The following MTCL2 variants were observed in gnomAD, a reference collection of about 807,000 sequenced individuals.
MTCL2 encodes the protein microtubule crosslinking factor 2.
chr20:36,858,461 AAAACACACACACACACACAC>A, the MTCL2 span, among the ~76,000 whole-genome samples: 1,717 of 42,122 alleles, frequency 0.041, 108 homozygotes, highest in Middle Eastern at 0.15. Context: ...CCAAGGAGGG[AAAACACACACACACACACAC>A]ACACACACAC....
chr20:36,795,373 A>G, the MTCL2 span, among the ~76,000 whole-genome samples: 1 of 152,184 alleles, frequency 6.6e-6, no homozygotes, highest in Admixed American at 6.5e-5. Context: ...TAGAGGCATG[A>G]GCCACTGCAC....
At chr20:36,841,397 A>G in the MTCL2 span, among the ~76,000 whole-genome samples, 1 of 151,866 alleles carries the variant, frequency 6.6e-6, no homozygotes, top group Non-Finnish European at 1.5e-5. Flanking sequence ...ACCAAACAAC[A>G]TGAGTTATAT....
At chr20:36,794,227 G>A in the MTCL2 span, 3 of 1,549,008 alleles carry the variant, frequency 1.9e-6, no homozygotes, top group Non-Finnish European at 2.6e-6. The surrounding 1 kb of genome is among the most constrained non-coding windows in gnomAD (Gnocchi z 5.4). Flanking sequence ...CTTTGGGCTT[G>A]GCTGTGGTGA....
At chr20:36,793,579 G>A in the MTCL2 span, 1 of 1,551,616 alleles carries the variant, frequency 6.4e-7, no homozygotes, top group Non-Finnish European at 8.7e-7. The surrounding 1 kb of genome is among the most constrained non-coding windows in gnomAD (Gnocchi z 6.8). Flanking sequence ...TGCTCCCTGA[G>A]TGCTCCACCA....
At chr20:36,835,926 T>G in the MTCL2 span, among the ~76,000 whole-genome samples, 1 of 152,086 alleles carries the variant, frequency 6.6e-6, no homozygotes, top group Non-Finnish European at 1.5e-5. Flanking sequence ...GGTCCCAGCC[T>G]CTCCTCCGCC....
chr20:36,803,052 G>A, the MTCL2 span: 1 of 1,608,184 alleles, frequency 6.2e-7, no homozygotes. Flanking sequence ...CTGTAGGGCT[G>A]CCTTCCAGTC....
the MTCL2 span, chr20:36,862,941 C>A: frequency 2.2e-6 from 3 of 1,386,484 alleles, no homozygotes; most frequent in Non-Finnish European, 2.8e-6. Context: ...CAGCTCCAGG[C>A]CCAGCAGGCG....
At chr20:36,825,546 G>C in the MTCL2 span, among the ~76,000 whole-genome samples, 3 of 152,202 alleles carry the variant, frequency 2.0e-5, no homozygotes, top group Non-Finnish European at 2.9e-5. Flanking sequence ...CAGTGCCACC[G>C]CAGCCCTCGG....
At chr20:36,808,215 G>C in the MTCL2 span, among the ~76,000 whole-genome samples, 1 of 151,720 alleles carries the variant, frequency 6.6e-6, no homozygotes, top group Admixed American at 6.6e-5. Context: ...AATTAGCTGG[G>C]CATGGTGGCA....
the MTCL2 span, among the ~76,000 whole-genome samples, chr20:36,851,303 C>G: frequency 6.6e-6 from 1 of 151,924 alleles, no homozygotes; most frequent in Non-Finnish European, 1.5e-5. Flanking sequence ...GACCTAAAAC[C>G]CCAAAAAGCA....
At chr20:36,785,835 G>A in the MTCL2 span, 1 of 985,480 alleles carries the variant, frequency 1.0e-6, no homozygotes, top group Admixed American at 6.2e-5. Flanking sequence ...CTGCATCCAG[G>A]CTATGGGCAG....
chr20:36,799,153 T>G, the MTCL2 span, among the ~76,000 whole-genome samples: 1 of 151,018 alleles, frequency 6.6e-6, no homozygotes, highest in Non-Finnish European at 1.5e-5. Flanking sequence ...CCTAGCAGTT[T>G]AAGATCAGCC....
chr20:36,839,273 C>T, the MTCL2 span: 26 of 1,610,646 alleles, frequency 1.6e-5, no homozygotes, highest in Middle Eastern at 1.6e-4. This position sits in a 1 kb window ranked among gnomAD's most constrained non-coding sequence, Gnocchi z 5.1. Flanking sequence ...CCGGTCTGGG[C>T]GGCACGGAGA....
At chr20:36,790,532 T>G in the MTCL2 span, among the ~76,000 whole-genome samples, 1 of 149,690 alleles carries the variant, frequency 6.7e-6, no homozygotes, top group South Asian at 2.1e-4. Flanking sequence ...CCTCCCGGCT[T>G]CAAGCAATTC....
chr20:36,858,113 C>T, the MTCL2 span, among the ~76,000 whole-genome samples: 8 of 152,138 alleles, frequency 5.3e-5, 1 homozygote, highest in South Asian at 1.7e-3. Context: ...AAGCTCACTG[C>T]TCTGGTCACA....
chr20:36,799,184 C>A, the MTCL2 span, among the ~76,000 whole-genome samples: 1 of 151,572 alleles, frequency 6.6e-6, no homozygotes, highest in African/African-American at 2.4e-5. Context: ...GGCGAAACCC[C>A]ATCTCTACAA....
chr20:36,829,228 A>T, the MTCL2 span: 2 of 1,597,936 alleles, frequency 1.3e-6, no homozygotes, highest in Non-Finnish European at 1.7e-6. Flanking sequence ...CAGGGGTGGG[A>T]GAGAGAAGGA....
At chr20:36,798,233 G>A in the MTCL2 span, among the ~76,000 whole-genome samples, 8 of 152,098 alleles carry the variant, frequency 5.3e-5, no homozygotes, top group African/African-American at 1.7e-4. Context: ...ACCTCGCCTG[G>A]CTAATTTTTG....
chr20:36,863,294 G>A, the MTCL2 span: 3 of 1,188,154 alleles, frequency 2.5e-6, no homozygotes, highest in South Asian at 8.3e-5. The surrounding 1 kb of genome is among the most constrained non-coding windows in gnomAD (Gnocchi z 6.2). Context: ...GTGCAGGCGC[G>A]GGCTGGGGAC....
Sources: gnomAD v4.1 joint callset for allele counts (sites outside exome capture counted in the v4.1 genomes callset) on GRCh38, gnomAD v4.1.1 for gene constraint, Gnocchi (gnomAD v3.1) non-coding constraint, MANE v1.5 for transcripts, NCBI Gene and HGNC (gene_info 2026-07-23, HGNC 2026-07-21) for gene names.